Variants in FRMD4A observed in about 807,000 individuals in gnomAD.
FRMD4A encodes FERM domain containing 4A, also known as FERM domain-containing protein 4A.
In FRMD4A, 29 loss-of-function variants were observed where a neutral mutation model predicts 129.1. The ratio of observed to expected loss-of-function variants is 0.22; its 90% CI spans 0.17 to 0.31. The LOEUF (loss-of-function observed/expected upper bound fraction) is 0.31, where lower values mean the gene tolerates loss of function less well. Ranked by LOEUF, FRMD4A falls within the 10% of genes least tolerant of loss-of-function variation. The probability of loss-of-function intolerance (pLI) is 1.00; values close to 1 mark genes in which losing one functional copy is unlikely to be tolerated. For missense variants in FRMD4A, 1,272 were observed against 1,375.8 expected, an observed-to-expected ratio of 0.92 and a Z score of 1.19; for synonymous variants, 634 against 571.6, an observed-to-expected ratio of 1.11 and a Z score of -1.56.
intron 13 of FRMD4A, among the ~76,000 whole-genome samples, chr10:13,703,821 G>A (rs769719060): frequency 4.2e-4 from 64 of 152,124 alleles, no homozygotes; most frequent in Admixed American, 2.6e-4. Context: ...CCTGGCCAAC[G>A]TGATGAAATC....
intron 2 of FRMD4A, among the ~76,000 whole-genome samples, chr10:13,949,010 A>G (rs969997621): frequency 1.3e-5 from 2 of 152,080 alleles, no homozygotes; most frequent in Non-Finnish European, 2.9e-5. Context: ...ATATTATGGC[A>G]TTTGCAATCA....
At chr10:14,211,762 C>T (rs1362417528) in intron 2 of FRMD4A, among the ~76,000 whole-genome samples, 2 of 152,166 alleles carry the variant, frequency 1.3e-5, no homozygotes, top group Non-Finnish European at 2.9e-5. Context: ...TGGCAACTAA[C>T]AGTTAAGTAA....
chr10:13,690,467 G>C (rs1223708515), intron 15 of FRMD4A, among the ~76,000 whole-genome samples: 1 of 152,238 alleles, frequency 6.6e-6, no homozygotes, highest in African/African-American at 2.4e-5. Context: ...TTTGTTCCCT[G>C]ATGGAATGTT....
At chr10:14,291,633 A>G (rs545876620) in intron 2 of FRMD4A, among the ~76,000 whole-genome samples, 1 of 152,268 alleles carries the variant, frequency 6.6e-6, no homozygotes, top group South Asian at 2.1e-4. Flanking sequence ...AATTAGAAAT[A>G]GAAAAAAACT....
intron 2 of FRMD4A, among the ~76,000 whole-genome samples, chr10:13,929,509 A>G (rs796820999): frequency 3.3e-5 from 5 of 152,256 alleles, no homozygotes; most frequent in East Asian, 1.9e-4. Flanking sequence ...GTGAAAACCA[A>G]CTTATGAAGA....
intron 8 of FRMD4A, among the ~76,000 whole-genome samples, chr10:13,749,284 G>A (rs978829505): frequency 1.3e-4 from 20 of 152,162 alleles, no homozygotes; most frequent in African/African-American, 4.6e-4. Context: ...TATTAACCAA[G>A]GCAAATACTG....
intron 2 of FRMD4A, among the ~76,000 whole-genome samples, chr10:13,924,019 C>T (rs772644327): frequency 6.6e-6 from 1 of 152,152 alleles, no homozygotes; most frequent in Non-Finnish European, 1.5e-5. Flanking sequence ...TGGGGTGGGC[C>T]GTGGCTAGGG....
At chr10:13,730,928 T>G (rs2090280550) in intron 12 of FRMD4A, among the ~76,000 whole-genome samples, 1 of 150,476 alleles carries the variant, frequency 6.6e-6, no homozygotes, top group Non-Finnish European at 1.5e-5. Flanking sequence ...CTCTGGAGGC[T>G]GAACCAGCAG....
intron 2 of FRMD4A, among the ~76,000 whole-genome samples, chr10:14,151,513 G>A (rs1840336521): frequency 7.9e-5 from 12 of 152,138 alleles, no homozygotes; most frequent in Admixed American, 7.9e-4. Context: ...GGACAGGAGA[G>A]GAGAGGGTTA....
chr10:13,714,825 G>C lies in FRMD4A; in HGVS notation c.760-7712C>G, dbSNP rs537549945. ...GAGGCAGAGGTGGGCCCATCGTGAGGTCAGAAGTTCAAGACCAGCCTGGCC... is the reference window on the plus strand; with the variant it reads ...GAGGCAGAGGTGGGCCCATCGTGAGCTCAGAAGTTCAAGACCAGCCTGGCC... On this transcript the variant is annotated intron_variant, in intron 12 of 24. Transcript: ENST00000357447. Among the ~76,000 whole-genome samples the C allele has an allele frequency of 2.7e-4, 41 of 151,852 alleles. No individual in the cohort carries two copies. In the South Asian group the frequency reaches 7.9e-3, roughly 29 times the overall value.
At chr10:14,209,012 A>T (rs1842863165) in intron 2 of FRMD4A, among the ~76,000 whole-genome samples, 1 of 152,126 alleles carries the variant, frequency 6.6e-6, no homozygotes, top group Non-Finnish European at 1.5e-5. Context: ...GAGGTCAGGC[A>T]CTGTATACCT....
At chr10:14,237,082 T>A (rs1021853706) in intron 2 of FRMD4A, among the ~76,000 whole-genome samples, 1 of 151,646 alleles carries the variant, frequency 6.6e-6, no homozygotes, top group African/African-American at 2.4e-5. Flanking sequence ...TATGCTGCCC[T>A]TGCTGGTCTT....
chr10:13,971,620 G>T (rs1039876714), intron 2 of FRMD4A: 1 of 1,202,310 alleles, frequency 8.3e-7, no homozygotes, highest in South Asian at 1.3e-5. Flanking sequence ...ACTTTCCCAT[G>T]CTTCAAAGAA....
chr10:13,761,014 T>G (rs1468833228), intron 8 of FRMD4A, among the ~76,000 whole-genome samples: 2 of 152,190 alleles, frequency 1.3e-5, no homozygotes, highest in Non-Finnish European at 2.9e-5. Context: ...TCAGGGCGAT[T>G]TCAGGGCAAT....
chr10:13,929,139 C>T (rs2797884), intron 2 of FRMD4A, among the ~76,000 whole-genome samples: 22,397 of 152,184 alleles, frequency 0.15, 1,833 homozygotes, highest in Middle Eastern at 0.28. Context: ...TGGTAGCCTG[C>T]AGGAGTTTTT....
At chr10:14,226,445 T>G (rs941356220) in intron 2 of FRMD4A, among the ~76,000 whole-genome samples, 5 of 152,232 alleles carry the variant, frequency 3.3e-5, no homozygotes, top group African/African-American at 1.2e-4. Flanking sequence ...GAGACCAGGT[T>G]GCTTAAACTA....
intron 14 of FRMD4A, among the ~76,000 whole-genome samples, chr10:13,698,106 C>T (rs1046828886): frequency 1.1e-4 from 9 of 80,820 alleles, no homozygotes; most frequent in African/African-American, 3.8e-4. Flanking sequence ...GAGGGAGAGA[C>T]AGGCAGAGAG....
intron 2 of FRMD4A, among the ~76,000 whole-genome samples, chr10:14,178,178 T>C (rs1841796486): frequency 6.6e-6 from 1 of 152,270 alleles, no homozygotes; most frequent in South Asian, 2.1e-4. Context: ...CACCTTGTGT[T>C]ACTTCATTAA....
At chr10:14,170,992 C>G (rs1564360294) in intron 2 of FRMD4A, among the ~76,000 whole-genome samples, 1 of 149,966 alleles carries the variant, frequency 6.7e-6, no homozygotes, top group Non-Finnish European at 1.5e-5. Flanking sequence ...CCATGAATCA[C>G]AAGACGCTGA....
Sources: allele counts gnomAD v4.1 joint callset (sites outside exome capture counted in the v4.1 genomes callset), GRCh38; gene constraint gnomAD v4.1.1; transcripts MANE v1.5; gene names NCBI Gene and HGNC (gene_info 2026-07-23, HGNC 2026-07-21).